LAMA2: variants seen among roughly 807,000 people sequenced by gnomAD.
The protein encoded by LAMA2 is laminin subunit alpha-2.
A neutral mutation model predicts 364.8 loss-of-function variants in LAMA2; 269 were observed. That is an observed-to-expected ratio of 0.74 (90% CI 0.67 to 0.82). The LOEUF (loss-of-function observed/expected upper bound fraction) is 0.82. Among genes scored for constraint, LAMA2 ranks in the 40% least tolerant of loss-of-function variants. The pLI, the probability that LAMA2 is intolerant of heterozygous loss-of-function variation, is 0.00. For synonymous variants in LAMA2, 1,379 were observed against 1,370.6 expected, an observed-to-expected ratio of 1.01 and a Z score of -0.14; for missense variants, 3,807 against 3,873.2, an observed-to-expected ratio of 0.98 and a Z score of 0.45.
intron 12 of LAMA2, among the ~76,000 whole-genome samples, chr6:129,227,226 A>G (rs1280852420): frequency 2.6e-5 from 4 of 152,024 alleles, no homozygotes; most frequent in Non-Finnish European, 1.5e-5. Flanking sequence ...CTAGGTAGCC[A>G]TTTGTCCTAT....
chr6:129,259,738 T>G (rs1396072188), intron 14 of LAMA2, among the ~76,000 whole-genome samples: 1 of 152,066 alleles, frequency 6.6e-6, no homozygotes, highest in Non-Finnish European at 1.5e-5. Flanking sequence ...ATCAAGCTCA[T>G]GGTGTATGGA....
chr6:128,965,350 G>T (rs1177521644), intron 1 of LAMA2, among the ~76,000 whole-genome samples: 1 of 151,890 alleles, frequency 6.6e-6, no homozygotes, highest in Non-Finnish European at 1.5e-5. Flanking sequence ...TTTTTCTCTT[G>T]TGCAAGTTTG....
chr6:128,990,298 T>C (rs1783529872), intron 1 of LAMA2, among the ~76,000 whole-genome samples: 1 of 150,150 alleles, frequency 6.7e-6, no homozygotes, highest in Non-Finnish European at 1.5e-5. Flanking sequence ...ATTTTAATTA[T>C]TGATTATTTA....
chr6:128,959,256 A>G (rs1582770844), intron 1 of LAMA2, among the ~76,000 whole-genome samples: 1 of 152,184 alleles, frequency 6.6e-6, no homozygotes, highest in East Asian at 1.9e-4. Context: ...GATTTTTGTT[A>G]TTATTTGTGT....
At position 129,320,541 on chromosome 6, in the gene LAMA2, T is replaced by G. The variant is rs778344924; in HGVS notation, c.4062T>G (p.Ile1354Met). The change falls in exon 28 of 65, where the codon ATT becomes ATG. Residue 1354 changes from isoleucine (I) to methionine (M), a missense_variant. Transcript: ENST00000421865. ...TYGNFMRQSR[I>M]SEISMEVAEQ... is the part of the protein sequence containing the mutation. ...AGTACATTCTCGCTGTTTCTAGGAT[T>G]TCTGAAATCTCAATGGAGGTAGCTG... 3.2e-6 allele frequency: 5 copies of G among 1,585,618 alleles called. No homozygotes were observed. The highest frequency in any genetic ancestry group is 4.3e-6 in the Non-Finnish European group (5 of 1,153,894).
chr6:129,028,148 TAA>T (rs1785964840), intron 1 of LAMA2, among the ~76,000 whole-genome samples: 1 of 151,832 alleles, frequency 6.6e-6, no homozygotes, highest in South Asian at 2.1e-4. Context: ...GTTTAAAAGC[TAA>T]AAGAGAAGAA....
chr6:129,282,528 A>G (rs1486714814), intron 18 of LAMA2, among the ~76,000 whole-genome samples: 1 of 152,130 alleles, frequency 6.6e-6, no homozygotes, highest in African/African-American at 2.4e-5. Flanking sequence ...CCTTATATGC[A>G]AGGGTAGAGG....
chr6:129,192,627 G>A (rs750977747), intron 11 of LAMA2, 53 bp from the exon 12 acceptor site: 26 of 1,525,522 alleles, frequency 1.7e-5, no homozygotes, highest in Non-Finnish European at 2.4e-5. Context: ...AAAGAGAAAA[G>A]CAGCTGATAG....
intron 33 of LAMA2, among the ~76,000 whole-genome samples, chr6:129,367,363 G>T (rs576357331): frequency 6.6e-6 from 1 of 152,276 alleles, no homozygotes; most frequent in South Asian, 2.1e-4. Context: ...AGGAAATGTA[G>T]ATTCTATGTG....
intron 1 of LAMA2, among the ~76,000 whole-genome samples, chr6:128,988,857 A>C (rs1392156130): frequency 1.3e-5 from 2 of 152,200 alleles, no homozygotes; most frequent in African/African-American, 4.8e-5. Flanking sequence ...AATTAATAGG[A>C]TACTGAATAA....
intron 61 of LAMA2, 114 bp from the exon 62 acceptor site, chr6:129,507,375 C>A: frequency 1.8e-6 from 2 of 1,134,186 alleles, no homozygotes; most frequent in Non-Finnish European, 2.7e-6. Context: ...GATATCCCAT[C>A]CTAAGACAAC....
At chr6:129,322,267 T>C (rs1775010299) in intron 28 of LAMA2, among the ~76,000 whole-genome samples, 1 of 152,196 alleles carries the variant, frequency 6.6e-6, no homozygotes, top group South Asian at 2.1e-4. Context: ...ATACACACAC[T>C]AGTAAACTTA....
Position 129,456,449 on chromosome 6 carries a change from T to C in LAMA2, c.6822T>C (p.Asp2274=), listed in dbSNP as rs922037518. 6.2e-7 allele frequency: 1 copy of C among 1,613,598 alleles called. No homozygotes were observed. The highest frequency in any genetic ancestry group is 2.2e-5 in the East Asian group (1 of 44,846). ...CAGGGTACACGATTCTAGATGTGGA[T>C]GCAAATGCAATGCTGTTTGTTGGTG... ...SPPGYTILDV[D]ANAMLFVGGL... is the part of the protein sequence containing the mutation. The change falls in exon 48 of 65, where the codon GAT becomes GAC. Residue 2274 remains aspartate (D), a synonymous_variant. Transcript: ENST00000421865.
chr6:129,287,716 G>A (rs1789376648), intron 18 of LAMA2, 131 bp from the exon 19 acceptor site: 21 of 809,266 alleles, frequency 2.6e-5, no homozygotes, highest in Non-Finnish European at 4.1e-5. Flanking sequence ...TTTTAATCAC[G>A]TTGCGTTTGA....
At chr6:128,971,707 G>A (rs1265252069) in intron 1 of LAMA2, among the ~76,000 whole-genome samples, 1 of 152,210 alleles carries the variant, frequency 6.6e-6, no homozygotes, top group Non-Finnish European at 1.5e-5. Flanking sequence ...GGACAAAGAT[G>A]TGATCTCTAA....
intron 22 of LAMA2, among the ~76,000 whole-genome samples, chr6:129,302,387 G>C (rs1234329967): frequency 6.6e-6 from 1 of 151,936 alleles, no homozygotes; most frequent in African/African-American, 2.4e-5. Context: ...TGCATTGCAA[G>C]GATTATTTAT....
chr6:129,376,139 C>A (rs1442397554), intron 34 of LAMA2, among the ~76,000 whole-genome samples: 1 of 152,216 alleles, frequency 6.6e-6, no homozygotes, highest in Non-Finnish European at 1.5e-5. Flanking sequence ...GCTCTCCCAC[C>A]ATGATCTAAT....
chr6:129,418,498 C>T (rs896423565), intron 40 of LAMA2, among the ~76,000 whole-genome samples: 2 of 151,948 alleles, frequency 1.3e-5, no homozygotes, highest in Non-Finnish European at 2.9e-5. Flanking sequence ...GGAAGTTGAA[C>T]AGAATAAAAA....
At chr6:129,353,977 A>C (rs1003629072) in intron 32 of LAMA2, among the ~76,000 whole-genome samples, 2 of 152,222 alleles carry the variant, frequency 1.3e-5, no homozygotes, top group Admixed American at 6.5e-5. Flanking sequence ...TTGAAAGTAC[A>C]TTGAAATCAG....
Sources: allele counts gnomAD v4.1 joint callset (sites outside exome capture counted in the v4.1 genomes callset), GRCh38; gene constraint gnomAD v4.1.1; transcripts MANE v1.5; gene names NCBI Gene and HGNC (gene_info 2026-07-23, HGNC 2026-07-21).